Variants in ODAD2 observed in about 807,000 individuals in gnomAD.
ODAD2 encodes the protein outer dynein arm-docking complex subunit 2.
Under a neutral mutation model 106.8 loss-of-function variants are expected in ODAD2, and 89 were observed. The ratio of observed to expected loss-of-function variants is 0.83; its 90% CI spans 0.70 to 0.99. The LOEUF is 0.99. Among genes scored for constraint, ODAD2 ranks in the 50% least tolerant of loss-of-function variants. The pLI, the probability that ODAD2 is intolerant of heterozygous loss-of-function variation, is 0.00. For missense variants in ODAD2, 1,168 were observed against 1,238.5 expected, an observed-to-expected ratio of 0.94 and a Z score of 0.85; for synonymous variants, 404 against 436.2, an observed-to-expected ratio of 0.93 and a Z score of 0.92.
chr10:27,923,950 G>GAAAAGA (rs750706164), intron 16 of ODAD2, among the ~76,000 whole-genome samples: 1 of 37,734 alleles, frequency 2.7e-5, no homozygotes, highest in Non-Finnish European at 5.0e-5. Flanking sequence ...TCTAATGAAA[G>GAAAAGA]AAAGAAAGAA....
intron 17 of ODAD2, among the ~76,000 whole-genome samples, chr10:27,892,870 C>A (rs185526016): frequency 7.3e-4 from 111 of 152,214 alleles, no homozygotes; most frequent in African/African-American, 2.6e-3. Flanking sequence ...GTACTACGGC[C>A]GGGTGTGGTA....
chr10:27,862,382 C>T (rs1840108961), intron 18 of ODAD2, 52 bp downstream of exon 18: 2 of 1,429,870 alleles, frequency 1.4e-6, no homozygotes, highest in East Asian at 2.4e-5. Flanking sequence ...CATCACTACA[C>T]CATGATATCT....
At chr10:27,854,493 C>T (rs116639706) in intron 19 of ODAD2, among the ~76,000 whole-genome samples, 4 of 152,206 alleles carry the variant, frequency 2.6e-5, no homozygotes, top group African/African-American at 7.2e-5. Flanking sequence ...CAGTGGCTTA[C>T]GCTTGTAATC....
At chr10:27,960,672 G>A (rs1176837132) in intron 10 of ODAD2, among the ~76,000 whole-genome samples, 1 of 151,992 alleles carries the variant, frequency 6.6e-6, no homozygotes, top group African/African-American at 2.4e-5. Context: ...ATTTTTAATT[G>A]ACAAAGAATA....
Position 27,981,446 on chromosome 10 carries a change from A to G in ODAD2, c.936+20T>C. The G allele has an allele frequency of 6.8e-7, 1 of 1,476,076 alleles. No homozygotes were observed. Among genetic ancestry groups the G allele is most frequent in the Non-Finnish European group, 8.9e-7 (1 of 1,120,056 alleles). The allele number at this position is 1,476,076 out of a possible 1,614,324, so 91.4% of individuals were successfully genotyped here. ...AGTAACATAATGCTATGAAAGCTCA[A>G]AAGAAACCATAAAACTTACCAATTT... On this transcript the variant is annotated intron_variant, in intron 7 of 19. Coordinates refer to ENST00000305242, the MANE Select transcript of ODAD2 (RefSeq NM_018076.5).
At chr10:27,965,417 A>T (rs774820185) in intron 9 of ODAD2, among the ~76,000 whole-genome samples, 21 of 151,798 alleles carry the variant, frequency 1.4e-4, no homozygotes, top group Admixed American at 4.6e-4. Flanking sequence ...GGGTGAGGAT[A>T]TAAGAAAATT....
intron 17 of ODAD2, among the ~76,000 whole-genome samples, chr10:27,877,672 C>G (rs1246767523): frequency 6.6e-6 from 1 of 152,156 alleles, no homozygotes; most frequent in Non-Finnish European, 1.5e-5. Context: ...AACGACTGGG[C>G]AAATTCACCA....
chr10:27,830,454 T>G (rs1044324524), intron 19 of ODAD2, among the ~76,000 whole-genome samples: 1 of 152,246 alleles, frequency 6.6e-6, no homozygotes, highest in Non-Finnish European at 1.5e-5. Flanking sequence ...ATGTGGCTGA[T>G]AGATAGCCTT....
chr10:27,885,184 T>A (rs1841992183), intron 17 of ODAD2, among the ~76,000 whole-genome samples: 1 of 151,204 alleles, frequency 6.6e-6, no homozygotes, highest in African/African-American at 2.4e-5. Flanking sequence ...TAAGGAAAAT[T>A]ATATATAAAC....
At chr10:27,870,478 A>G (rs1840782337) in intron 17 of ODAD2, among the ~76,000 whole-genome samples, 1 of 152,088 alleles carries the variant, frequency 6.6e-6, no homozygotes, top group South Asian at 2.1e-4. Flanking sequence ...TACATTAGGT[A>G]TATCTCCTAA....
intron 16 of ODAD2, among the ~76,000 whole-genome samples, chr10:27,930,913 TG>T (rs1212240226): frequency 6.6e-6 from 1 of 152,220 alleles, no homozygotes; most frequent in Non-Finnish European, 1.5e-5. Flanking sequence ...TGTTACAATC[TG>T]GCAATCATTG....
At chr10:27,908,085 C>T (rs190223662) in intron 16 of ODAD2, among the ~76,000 whole-genome samples, 29 of 152,176 alleles carry the variant, frequency 1.9e-4, no homozygotes, top group Admixed American at 9.2e-4. Flanking sequence ...TGTAAAAATA[C>T]GGGTTTCTTT....
At chr10:27,878,136 A>T (rs971882278) in intron 17 of ODAD2, among the ~76,000 whole-genome samples, 10 of 152,320 alleles carry the variant, frequency 6.6e-5, no homozygotes, top group Non-Finnish European at 1.3e-4. Context: ...TTTTACCAAG[A>T]TCATTCCCTA....
intron 9 of ODAD2, among the ~76,000 whole-genome samples, chr10:27,964,784 G>A (rs545622138): frequency 1.3e-5 from 2 of 152,156 alleles, no homozygotes; most frequent in African/African-American, 2.4e-5. Flanking sequence ...TTATTTCTGC[G>A]TTTTCTTGTA....
At chr10:27,950,113 T>A (rs1467488215) in intron 10 of ODAD2, among the ~76,000 whole-genome samples, 1 of 152,154 alleles carries the variant, frequency 6.6e-6, no homozygotes, top group Non-Finnish European at 1.5e-5. Context: ...TCGGCACCAC[T>A]ATCACATGGC....
intron 16 of ODAD2, among the ~76,000 whole-genome samples, chr10:27,928,269 C>T (rs1845389882): frequency 6.6e-6 from 1 of 152,134 alleles, no homozygotes; most frequent in East Asian, 1.9e-4. Context: ...ATCTACGACT[C>T]CTCCCTATTC....
intron 16 of ODAD2, among the ~76,000 whole-genome samples, chr10:27,923,945 T>C (rs865978361): frequency 2.2e-5 from 1 of 45,992 alleles, no homozygotes; most frequent in South Asian, 9.2e-4. Context: ...CCCTGTCTAA[T>C]GAAAGAAAGA....
At chr10:27,849,950 G>A (rs1354619197) in intron 19 of ODAD2, among the ~76,000 whole-genome samples, 1 of 152,226 alleles carries the variant, frequency 6.6e-6, no homozygotes, top group East Asian at 1.9e-4. Context: ...CCCAGCAAGA[G>A]CTCTGAGTAC....
intron 14 of ODAD2, among the ~76,000 whole-genome samples, chr10:27,938,989 G>A (rs1029350491): frequency 4.6e-5 from 7 of 152,088 alleles, no homozygotes; most frequent in African/African-American, 9.7e-5. Context: ...AGAAGCAGAC[G>A]TGCACAGTAA....
Sources: allele counts gnomAD v4.1 joint callset (sites outside exome capture counted in the v4.1 genomes callset), GRCh38; gene constraint gnomAD v4.1.1; transcripts MANE v1.5; gene names NCBI Gene and HGNC (gene_info 2026-07-23, HGNC 2026-07-21).